Variants in SORBS2 observed in about 807,000 individuals in gnomAD.
The protein encoded by SORBS2 is sorbin and SH3 domain containing 2.
In SORBS2, 46 loss-of-function variants were observed where a neutral mutation model predicts 97.7. The ratio of observed to expected loss-of-function variants is 0.47; its 90% CI spans 0.37 to 0.60. The LOEUF is 0.60. Among genes scored for constraint, SORBS2 ranks in the 20% least tolerant of loss-of-function variants. The pLI is 0.00. For missense variants in SORBS2, 1,316 were observed against 1,282.3 expected (o/e 1.03, Z -0.40); for synonymous variants, 476 against 473.4 (o/e 1.01, Z -0.07).
intron 4 of SORBS2, 71 bp from the exon 16 acceptor site, chr4:185,635,482 T>A: frequency 8.8e-7 from 1 of 1,131,690 alleles, no homozygotes; most frequent in Non-Finnish European, 1.3e-6. Context: ...CAGCAAGGAA[T>A]GAACATGTGG....
At chr4:185,741,805 C>G (rs976806410) in intron 2 of SORBS2, among the ~76,000 whole-genome samples, 1 of 152,216 alleles carries the variant, frequency 6.6e-6, no homozygotes, top group African/African-American at 2.4e-5. Flanking sequence ...CATACCCAGC[C>G]AGAAATCATA....
intron 1 of SORBS2, among the ~76,000 whole-genome samples, chr4:185,789,039 T>C (rs2099068834): frequency 6.6e-6 from 1 of 152,182 alleles, no homozygotes; most frequent in Non-Finnish European, 1.5e-5. Context: ...GAATACATGA[T>C]TCCTGGGCCG....
At chr4:185,829,972 AAC>A (rs753843474) in intron 1 of SORBS2, among the ~76,000 whole-genome samples, 1 of 152,170 alleles carries the variant, frequency 6.6e-6, no homozygotes, top group Non-Finnish European at 1.5e-5. Context: ...AAGGATACCT[AAC>A]ACTCCTGCAT....
chr4:185,649,024 G>T (rs1409835192), intron 3 of SORBS2, among the ~76,000 whole-genome samples: 1 of 152,132 alleles, frequency 6.6e-6, no homozygotes, highest in Non-Finnish European at 1.5e-5. Flanking sequence ...TTGAAAAACT[G>T]GTAGAAACAA....
At chr4:185,753,880 A>G (rs1346422887) in intron 2 of SORBS2, among the ~76,000 whole-genome samples, 1 of 152,230 alleles carries the variant, frequency 6.6e-6, no homozygotes, top group Non-Finnish European at 1.5e-5. Flanking sequence ...ACCATTGTGG[A>G]AAGCATTTGG....
At chr4:185,865,569 G>C (rs531561685) in intron 1 of SORBS2, among the ~76,000 whole-genome samples, 1 of 148,704 alleles carries the variant, frequency 6.7e-6, no homozygotes, top group South Asian at 2.3e-4. Flanking sequence ...ATTAAGTTCT[G>C]GAATGGGAAC....
chr4:185,907,089 T>C (rs771717274), intron 1 of SORBS2, among the ~76,000 whole-genome samples: 60 of 149,734 alleles, frequency 4.0e-4, no homozygotes, highest in Non-Finnish European at 8.0e-4. Flanking sequence ...TGAGCTGAGA[T>C]GGTGCCACTG....
At chr4:185,778,597 C>T (rs1426979574) in intron 1 of SORBS2, among the ~76,000 whole-genome samples, 3 of 152,234 alleles carry the variant, frequency 2.0e-5, no homozygotes, top group South Asian at 2.1e-4. Context: ...TAAACTTTTA[C>T]AAACACCAGT....
intron 1 of SORBS2, among the ~76,000 whole-genome samples, chr4:185,938,905 A>G (rs1193937914): frequency 1.3e-5 from 2 of 152,218 alleles, no homozygotes; most frequent in Non-Finnish European, 2.9e-5. Context: ...AAAGCACGAA[A>G]GCAACAAAGA....
intron 1 of SORBS2, among the ~76,000 whole-genome samples, chr4:185,878,084 T>C (rs1228355667): frequency 6.6e-6 from 1 of 152,068 alleles, no homozygotes; most frequent in Non-Finnish European, 1.5e-5. Context: ...AAAATCTAAT[T>C]TCATAAGCAT....
intron 12 of SORBS2, among the ~76,000 whole-genome samples, chr4:185,609,562 A>G (rs918103957): frequency 6.6e-6 from 1 of 152,244 alleles, no homozygotes; most frequent in Non-Finnish European, 1.5e-5. Context: ...TAACTAGATC[A>G]CAAACCTATA....
chr4:185,639,808 C>CTGCTT (rs1173897072), intron 4 of SORBS2, among the ~76,000 whole-genome samples: 2 of 152,186 alleles, frequency 1.3e-5, no homozygotes, highest in Admixed American at 1.3e-4. Flanking sequence ...TAAGTGCTCA[C>CTGCTT]TGCTTCAGAA....
chr4:185,814,393 T>G (rs1314992781), intron 1 of SORBS2, among the ~76,000 whole-genome samples: 1 of 151,144 alleles, frequency 6.6e-6, no homozygotes, highest in Non-Finnish European at 1.5e-5. Flanking sequence ...AACAAACAAT[T>G]AGCCAGGCAT....
chr4:185,809,441 G>A (rs2099169863), intron 1 of SORBS2, among the ~76,000 whole-genome samples: 1 of 97,326 alleles, frequency 1.0e-5, no homozygotes, highest in South Asian at 3.6e-4. Flanking sequence ...ACTCTTCAGG[G>A]GGCACTGCAT....
At chr4:185,799,357 A>C (rs560094670) in intron 1 of SORBS2, among the ~76,000 whole-genome samples, 2 of 152,356 alleles carry the variant, frequency 1.3e-5, no homozygotes, top group East Asian at 3.9e-4. Flanking sequence ...GAGAATCGTG[A>C]GATGCCCAGT....
chr4:185,805,418 C>T (rs953065532), intron 1 of SORBS2, among the ~76,000 whole-genome samples: 4 of 152,118 alleles, frequency 2.6e-5, no homozygotes, highest in Non-Finnish European at 5.9e-5. Flanking sequence ...TGCTGTAAGC[C>T]GTTCATTCAT....
At chr4:185,762,659 A>G (rs2098904688) in intron 2 of SORBS2, among the ~76,000 whole-genome samples, 1 of 152,200 alleles carries the variant, frequency 6.6e-6, no homozygotes, top group Non-Finnish European at 1.5e-5. Context: ...TTGTCTCCAC[A>G]TTTGTTTCCA....
Position 185,623,115 on chromosome 4 carries a change from C to T in SORBS2, c.2014G>A (p.Val672Ile), listed in dbSNP as rs369691017. 15 of 1,614,064 alleles carry T rather than the reference C, an allele frequency of 9.3e-6. No individual in the cohort carries two copies. The highest frequency in any genetic ancestry group is 1.7e-5 in the Admixed American group (1 of 60,002). The change falls in exon 7 of 15, where the codon GTT becomes ATT. Residue 672 changes from valine to isoleucine, a missense_variant. Val to Ile is a conservative substitution (Grantham distance 29). Transcript: ENST00000418609. The surrounding 1 kb of genome is among the most constrained non-coding windows in gnomAD (Gnocchi z 6.4). Reference sequence around the variant, plus strand: ...CTCAGGGATGAGTTCCTCTCGGGAACATCTGGCAGCAGCTCACTGATGAGG... The same window carrying T: ...CTCAGGGATGAGTTCCTCTCGGGAATATCTGGCAGCAGCTCACTGATGAGG...
chr4:185,649,663 T>C lies in SORBS2; in HGVS notation c.92-7A>G, dbSNP rs749016321. On this transcript the variant is annotated splice_region_variant and splice_polypyrimidine_tract_variant and intron_variant, in intron 2 of 14. Coordinates refer to ENST00000418609, the Ensembl canonical transcript of SORBS2. ...TAGGGTGGGTTGTACAGACCTATCA[T>C]GACAAAAAACAAAAGCAGACAAAAA... The C allele has an allele frequency of 7.3e-7, 1 of 1,361,930 alleles. No homozygotes were observed. Among genetic ancestry groups the C allele is most frequent in the Non-Finnish European group, 9.5e-7 (1 of 1,048,728 alleles). 84.4% of individuals were successfully genotyped at this position (1,361,930 alleles called of 1,614,324 possible).
Sources: gnomAD v4.1 joint callset for allele counts (sites outside exome capture counted in the v4.1 genomes callset) on GRCh38, gnomAD v4.1.1 for gene constraint, Gnocchi (gnomAD v3.1) non-coding constraint, MANE v1.5 for transcripts, NCBI Gene and HGNC (gene_info 2026-07-23, HGNC 2026-07-21) for gene names.